The following TC2N variants were observed in gnomAD, a reference collection of about 807,000 sequenced individuals.
TC2N encodes the protein tandem C2 domains nuclear protein.
A neutral mutation model predicts 61.9 loss-of-function variants in TC2N; 51 were observed. The ratio of observed to expected loss-of-function variants is 0.82; its 90% confidence interval spans 0.66 to 1.04. The LOEUF is 1.04. Ranked by LOEUF, TC2N falls within the 50% of genes least tolerant of loss-of-function variation. The pLI is 0.00. For missense variants in TC2N, 556 were observed against 566.7 expected (o/e 0.98, Z 0.19); for synonymous variants, 204 against 192.6 (o/e 1.06, Z -0.49).
intron 1 of TC2N, among the ~76,000 whole-genome samples, chr14:91,857,441 T>C (rs1888504027): frequency 6.6e-6 from 1 of 152,196 alleles, no homozygotes; most frequent in African/African-American, 2.4e-5. Flanking sequence ...CTTGGGTGAA[T>C]GGCTTGGGTA....
chr14:91,808,274 G>A (rs1886609502), intron 3 of TC2N, among the ~76,000 whole-genome samples: 1 of 152,114 alleles, frequency 6.6e-6, no homozygotes, highest in Admixed American at 6.5e-5. Context: ...GTAACATATT[G>A]TATAGGTTTG....
At chr14:91,860,655 G>A (rs1013291902) in intron 1 of TC2N, among the ~76,000 whole-genome samples, 2 of 152,140 alleles carry the variant, frequency 1.3e-5, no homozygotes, top group African/African-American at 4.8e-5. Flanking sequence ...TGTATCCTCT[G>A]TTCCAACCAC....
At position 91,824,592 on chromosome 14, in the gene TC2N, C is replaced by G. The variant is rs553025339; in HGVS notation, c.-56-10767G>C. Among the ~76,000 whole-genome samples the G allele has an allele frequency of 2.0e-5, 3 of 152,316 alleles. No individual in the cohort carries two copies. In the South Asian group the frequency reaches 6.2e-4, roughly 32 times the overall value. On this transcript the variant is annotated intron_variant, in intron 1 of 11. Transcript: ENST00000435962. ...CATTCACTTACAAGCATTTATTGAG[C>G]ATCTACTATGTACTAGGCAATTTGC...
intron 1 of TC2N, among the ~76,000 whole-genome samples, chr14:91,864,777 C>CTTTTTTTTTTTTTTT: frequency 1.4e-5 from 1 of 70,796 alleles, no homozygotes; most frequent in Non-Finnish European, 3.0e-5. Context: ...CTGCCTTCAT[C>CTTTTTTTTTTTTTTT]TTTTTTTTTT....
chr14:91,839,423 G>A (rs992229555), intron 1 of TC2N, among the ~76,000 whole-genome samples: 1 of 152,088 alleles, frequency 6.6e-6, no homozygotes, highest in Admixed American at 6.6e-5. Flanking sequence ...CAATCCATCT[G>A]TATCTCTATC....
intron 9 of TC2N, among the ~76,000 whole-genome samples, chr14:91,788,398 T>C (rs958838472): frequency 6.6e-6 from 1 of 152,168 alleles, no homozygotes; most frequent in Non-Finnish European, 1.5e-5. Flanking sequence ...GGGAGAATGG[T>C]TGTCCAAACA....
chr14:91,809,012 T>C (rs914922962), intron 3 of TC2N, among the ~76,000 whole-genome samples: 5 of 152,230 alleles, frequency 3.3e-5, no homozygotes, highest in African/African-American at 1.2e-4. Context: ...TGATTGGGTA[T>C]TCTGTAAGCC....
chr14:91,785,574 A>C (rs139286494), intron 10 of TC2N, among the ~76,000 whole-genome samples: 90 of 152,286 alleles, frequency 5.9e-4, no homozygotes, highest in African/African-American at 2.1e-3. Flanking sequence ...TGTAACTTTA[A>C]ATGAACTTAA....
At chr14:91,799,835 A>G (rs1886130956) in intron 5 of TC2N, among the ~76,000 whole-genome samples, 1 of 152,128 alleles carries the variant, frequency 6.6e-6, no homozygotes, top group Non-Finnish European at 1.5e-5. Context: ...TGTAATAAAA[A>G]AGAAACATTT....
Position 91,800,347 on chromosome 14 carries a change from A to G in TC2N, c.495T>C (p.Leu165=), listed in dbSNP as rs375828437. ...ATTTGCTTAGCCCAGGGGAACCGGG[A>G]AGTTTGTTCGTCCTTAAATCACAAA... ...GSVCDLRTNK[L]PGSPGLSKSM... Residue 165 remains leucine (L), a synonymous_variant, in exon 5 of 12, where the codon CTT becomes CTC. Transcript: ENST00000435962. 2.5e-6 allele frequency: 4 copies of G among 1,603,910 alleles called. No individual in the cohort carries two copies. The highest frequency in any genetic ancestry group is 3.4e-6 in the Non-Finnish European group (4 of 1,174,436).
rs749265861 is a variant in TC2N at position 91,812,318 on chromosome 14, G to A, written c.295C>T (p.Leu99Phe). 18 of 1,577,970 alleles carry A rather than the reference G, an allele frequency of 1.1e-5. No individual in the cohort carries two copies. The East Asian group carries it at 3.4e-4, about 30-fold the overall frequency. The change falls in exon 3 of 12, where the codon CTT becomes TTT. Residue 99 changes from leucine to phenylalanine, a missense_variant. Coordinates refer to ENST00000435962, the MANE Select transcript of TC2N (RefSeq NM_001128596.3). ...CTGCTATTTTATTGTTTACCTTCAA[G>A]TTCTTCCAGATGTGAAGGAGTTTCT... ...TQETPSHLEE[L>F]EGSARASFGD...
intron 3 of TC2N, among the ~76,000 whole-genome samples, chr14:91,811,712 G>A (rs1886776858): frequency 1.3e-5 from 2 of 152,074 alleles, no homozygotes; most frequent in Non-Finnish European, 2.9e-5. Context: ...GACATGTGAC[G>A]GATAACTGAG....
At chr14:91,833,891 C>G (rs1887894399) in intron 1 of TC2N, among the ~76,000 whole-genome samples, 1 of 152,088 alleles carries the variant, frequency 6.6e-6, no homozygotes, top group East Asian at 1.9e-4. Context: ...AAGGAAAATA[C>G]TCATAAAATG....
chr14:91,820,833 T>C (rs975489725), intron 1 of TC2N, among the ~76,000 whole-genome samples: 5 of 151,778 alleles, frequency 3.3e-5, no homozygotes, highest in Non-Finnish European at 5.9e-5. Flanking sequence ...AAAAATGAAA[T>C]AGAAAACAAT....
chr14:91,853,649 T>TAC (rs71123304), intron 1 of TC2N, among the ~76,000 whole-genome samples: 93 of 103,070 alleles, frequency 9.0e-4, no homozygotes, highest in African/African-American at 3.5e-3. Flanking sequence ...TTTTTTAAAG[T>TAC]ACACACACAC....
intron 1 of TC2N, among the ~76,000 whole-genome samples, chr14:91,840,079 C>T (rs1888136342): frequency 6.6e-6 from 1 of 152,200 alleles, no homozygotes; most frequent in Non-Finnish European, 1.5e-5. Flanking sequence ...CCATGACAAC[C>T]TTGGACTAAA....
intron 3 of TC2N, among the ~76,000 whole-genome samples, chr14:91,808,553 C>T (rs953728565): frequency 6.6e-6 from 1 of 152,170 alleles, no homozygotes; most frequent in Non-Finnish European, 1.5e-5. Flanking sequence ...ACATATTTAA[C>T]TTCTTTAATT....
At chr14:91,824,189 A>C (rs1216152755) in intron 1 of TC2N, among the ~76,000 whole-genome samples, 1 of 152,202 alleles carries the variant, frequency 6.6e-6, no homozygotes, top group Non-Finnish European at 1.5e-5. Context: ...AAAAGCTATA[A>C]ACACCCTAGT....
intron 1 of TC2N, among the ~76,000 whole-genome samples, chr14:91,816,011 A>G (rs568673164): frequency 5.3e-5 from 8 of 151,882 alleles, no homozygotes; most frequent in African/African-American, 1.9e-4. Flanking sequence ...CTCAATTTGT[A>G]TAGTTGTTTT....
Sources: allele counts gnomAD v4.1 joint callset (sites outside exome capture counted in the v4.1 genomes callset), GRCh38; gene constraint gnomAD v4.1.1; transcripts MANE v1.5; gene names NCBI Gene and HGNC (gene_info 2026-07-23, HGNC 2026-07-21).